SMIM23: variants seen among roughly 807,000 people sequenced by gnomAD.
SMIM23 encodes the protein CTB-78H18.1.
Under a neutral mutation model 12.8 loss-of-function variants are expected in SMIM23, and 10 were observed. The ratio of observed to expected loss-of-function variants is 0.78; its 90% CI spans 0.48 to 1.32. The LOEUF (loss-of-function observed/expected upper bound fraction) is 1.32. SMIM23 is among the 40% of genes most tolerant of loss of function. The probability of loss-of-function intolerance (pLI) is 0.00; values close to 1 mark genes in which losing one functional copy is unlikely to be tolerated. For synonymous variants in SMIM23, 78 were observed against 80.1 expected, an observed-to-expected ratio of 0.97 and a Z score of 0.14; for missense variants, 184 against 198.2, an observed-to-expected ratio of 0.93 and a Z score of 0.43.
chr5:171,777,907 G>A (rs929714566), upstream of SMIM23, among the ~76,000 whole-genome samples: 2 of 152,166 alleles, frequency 1.3e-5, no homozygotes, highest in Admixed American at 1.3e-4. Context: ...AGCTGTCCTT[G>A]CCCAGAGCTT....
intron 3 of SMIM23, 35 bp downstream of exon 3, chr5:171,790,584 T>C: frequency 6.5e-7 from 1 of 1,528,214 alleles, no homozygotes. Flanking sequence ...GGTGAGGCAA[T>C]CTGGGAAGGC....
chr5:171,777,860 G>A (rs1755666448), upstream of SMIM23, among the ~76,000 whole-genome samples: 1 of 152,162 alleles, frequency 6.6e-6, no homozygotes, highest in Admixed American at 6.5e-5. Flanking sequence ...TTCAAGAGCA[G>A]CAGAAGCCTC....
In SMIM23 at chr5:171,785,988, C is replaced by A. The variant is rs774340466; in HGVS notation, c.105+12C>A. On this transcript the variant is annotated intron_variant, in intron 1 of 3. Transcript: ENST00000523047. ...ATGACGAGAAGCAGGTGAGGCCAGG[C>A]CAGGTACATGCTGCTTTCCTCCCAT... 2 of 1,530,730 alleles carry A rather than the reference C, an allele frequency of 1.3e-6. No individual in the cohort carries two copies. Among genetic ancestry groups the A allele is most frequent in the Non-Finnish European group, 1.8e-6 (2 of 1,141,802 alleles). The allele number at this position is 1,530,730 out of a possible 1,614,324, so 94.8% of individuals were successfully genotyped here.
Position 171,790,501 on chromosome 5 carries a change from A to G in SMIM23, c.177A>G (p.Ser59=). 1 of 1,536,778 alleles carries G rather than the reference A, an allele frequency of 6.5e-7. No individual in the cohort carries two copies. ...TEIWGSSWEV[S]ERIRECNYYQ... The stretch of plus-strand genomic sequence containing the variant: ...TTTCAGGAAGCAGTTGGGAGGTGTC[A>G]GAAAGGATCAGAGAATGTAACTACT... Residue 59 remains serine (S), a synonymous_variant, in exon 3 of 4, where the codon TCA becomes TCG. Coordinates refer to ENST00000523047, the MANE Select transcript of SMIM23 (RefSeq NM_001289970.2).
the SMIM23 span, among the ~76,000 whole-genome samples, chr5:171,772,687 C>T: frequency 6.6e-6 from 1 of 152,218 alleles, no homozygotes; most frequent in African/African-American, 2.4e-5. Context: ...AAAGGGCTGA[C>T]TTGACCTTGG....
the SMIM23 span, chr5:171,774,466 C>G: frequency 4.4e-6 from 2 of 456,196 alleles, no homozygotes; most frequent in African/African-American, 4.0e-5. Context: ...ACCTCTCCCC[C>G]AATCCCCATG....
At chr5:171,780,748 C>A (rs1397980295), upstream of SMIM23, among the ~76,000 whole-genome samples, 1 of 152,036 alleles carries the variant, frequency 6.6e-6, no homozygotes, top group Admixed American at 6.6e-5. Context: ...CTTTGGAGGG[C>A]CCTCAAGTGG....
upstream of SMIM23, among the ~76,000 whole-genome samples, chr5:171,777,828 G>A (rs1407052727): frequency 2.0e-5 from 3 of 152,086 alleles, no homozygotes; most frequent in Admixed American, 1.3e-4. Flanking sequence ...AGTCTTGGGG[G>A]TGACACAGCC....
At chr5:171,786,087 C>A in intron 1 of SMIM23, 111 bp downstream of exon 1, 3 of 852,508 alleles carry the variant, frequency 3.5e-6, no homozygotes. Flanking sequence ...CCCAACCGTC[C>A]CTGGATCCCA....
At chr5:171,772,952 G>A in the SMIM23 span, among the ~76,000 whole-genome samples, 2 of 152,202 alleles carry the variant, frequency 1.3e-5, no homozygotes, top group South Asian at 4.1e-4. Flanking sequence ...TTCTCACCAA[G>A]AAACCCATAA....
At chr5:171,786,279 TGAAC>T (rs879688694) in intron 1 of SMIM23, among the ~76,000 whole-genome samples, 5 of 152,184 alleles carry the variant, frequency 3.3e-5, no homozygotes, top group Non-Finnish European at 7.3e-5. Flanking sequence ...AGATGCTGAA[TGAAC>T]GAATGAACTG....
At chr5:171,773,254 G>A in the SMIM23 span, among the ~76,000 whole-genome samples, 1 of 152,198 alleles carries the variant, frequency 6.6e-6, no homozygotes, top group African/African-American at 2.4e-5. Flanking sequence ...GGGAGGTGGT[G>A]GGGGCTCAAT....
chr5:171,791,124 G>GAAAAAAAGGACTTCA lies in SMIM23; in HGVS notation c.*36_*37insAAAAAAAGGACTTCA. On this transcript the variant is annotated 3_prime_UTR_variant, in exon 4 of 4. Transcript: ENST00000523047. ...TCCAGTCAGGCAAGAAAATAAAGTA[G>GAAAAAAAGGACTTCA]TTGGGAAATGAAGTCCGCTGTTCAC... is the stretch of plus-strand genomic sequence containing the variant. The GAAAAAAAGGACTTCA allele has an allele frequency of 6.9e-7, 1 of 1,447,348 alleles. No homozygotes were observed. Among genetic ancestry groups the GAAAAAAAGGACTTCA allele is most frequent in the South Asian group, 1.5e-5 (1 of 68,892 alleles). 89.7% of individuals were successfully genotyped at this position (1,447,348 alleles called of 1,614,324 possible).
chr5:171,777,122 A>G, the SMIM23 span, among the ~76,000 whole-genome samples: 1 of 151,592 alleles, frequency 6.6e-6, no homozygotes, highest in Non-Finnish European at 1.5e-5. Context: ...ATTTTTCCAA[A>G]TATCAATTGC....
chr5:171,788,053 C>T (rs1454755400), intron 1 of SMIM23, among the ~76,000 whole-genome samples: 2 of 151,468 alleles, frequency 1.3e-5, no homozygotes, highest in African/African-American at 4.9e-5. Context: ...CTAAATGTCA[C>T]TTCACATACT....
chr5:171,784,416 G>A (rs13175961), upstream of SMIM23, among the ~76,000 whole-genome samples: 85 of 152,096 alleles, frequency 5.6e-4, 2 homozygotes, highest in South Asian at 0.014. Context: ...GAGGCAGGAG[G>A]ATGGCGTGAA....
At chr5:171,787,524 T>C (rs1755840735) in intron 1 of SMIM23, among the ~76,000 whole-genome samples, 1 of 152,198 alleles carries the variant, frequency 6.6e-6, no homozygotes, top group African/African-American at 2.4e-5. Context: ...GTAAAATACA[T>C]TGATAGAGGA....
chr5:171,785,822 G>A lies in SMIM23; in HGVS notation c.-50G>A. 2.8e-6 allele frequency: 4 copies of A among 1,429,670 alleles called. No homozygotes were observed. The highest frequency in any genetic ancestry group is 3.8e-6 in the Non-Finnish European group (4 of 1,049,916). The allele number at this position is 1,429,670 out of a possible 1,614,324, so 88.6% of individuals were successfully genotyped here. ...ACCACAGGTGGGGGAGGGGAAGGGT[G>A]CCCTTCTGTCTGTTGAGTGTGGTCC... On this transcript the variant is annotated 5_prime_UTR_variant, in exon 1 of 4. Transcript: ENST00000523047.
chr5:171,785,328 G>A (rs370029924), upstream of SMIM23, among the ~76,000 whole-genome samples: 2 of 151,836 alleles, frequency 1.3e-5, no homozygotes, highest in South Asian at 4.1e-4. Flanking sequence ...GGATCTCTCT[G>A]TATTGTTTCT....
Sources: gnomAD v4.1 joint callset for allele counts (sites outside exome capture counted in the v4.1 genomes callset) on GRCh38, gnomAD v4.1.1 for gene constraint, MANE v1.5 for transcripts, NCBI Gene and HGNC (gene_info 2026-07-23, HGNC 2026-07-21) for gene names.